The following RP1 variants were observed in gnomAD, a reference collection of about 807,000 sequenced individuals.
The protein encoded by RP1 is oxygen-regulated protein 1.
A neutral mutation model predicts 14.8 loss-of-function variants in RP1; 16 were observed. The ratio of observed to expected loss-of-function variants is 1.08; its 90% CI spans 0.73 to 1.65. The LOEUF is 1.65. RP1 is among the 40% of genes most tolerant of loss of function. The probability of loss-of-function intolerance (pLI) is 0.00; values close to 1 mark genes in which losing one functional copy is unlikely to be tolerated. For missense variants in RP1, 2,631 were observed against 2,535.0 expected, an observed-to-expected ratio of 1.04 and a Z score of -0.81; for synonymous variants, 876 against 883.6, an observed-to-expected ratio of 0.99 and a Z score of 0.15.
At chr8:54,581,121 C>T (rs1022927482) in intron 1 of RP1, among the ~76,000 whole-genome samples, 9 of 152,022 alleles carry the variant, frequency 5.9e-5, no homozygotes, top group African/African-American at 2.2e-4. Flanking sequence ...CTTCATTTAG[C>T]ATTAGGTATA....
chr8:54,692,745 A>C (rs1807745713), intron 12 of RP1, among the ~76,000 whole-genome samples: 1 of 149,274 alleles, frequency 6.7e-6, no homozygotes, highest in Non-Finnish European at 1.5e-5. Flanking sequence ...AGGTTGCGAA[A>C]ATTTTCTCCC....
rs988919995 is a variant in RP1 at position 54,769,739 on chromosome 8, A to C, written c.3249-2A>C. The C allele has an allele frequency of 2.6e-6, 4 of 1,519,768 alleles. No homozygotes were observed. The Admixed American group carries it at 8.0e-5, about 30-fold the overall frequency. The allele number at this position is 1,519,768 out of a possible 1,614,324, so 94.1% of individuals were successfully genotyped here. A position where few individuals can be genotyped will look rare whatever the true frequency, so the allele number is the denominator to read the frequency against. On this transcript the variant is annotated splice_acceptor_variant, in intron 22 of 22. Coordinates refer to the RP1 transcript ENST00000636932. LOFTEE classifies it high-confidence loss of function. ...TCTTTCTCTCTCTCTCTTTTTCCTCAGATGGCTTCCTTTCATGTCTCAGGG... is the reference window on the plus strand; with the variant it reads ...TCTTTCTCTCTCTCTCTTTTTCCTCCGATGGCTTCCTTTCATGTCTCAGGG...
intron 1 of RP1, among the ~76,000 whole-genome samples, chr8:54,585,363 G>T (rs7815476): frequency 0.58 from 88,244 of 152,038 alleles, 26,346 homozygotes; most frequent in Non-Finnish European, 0.65. Context: ...TGCTGAGAGA[G>T]CAGCTGTTAG....
At chr8:54,708,359 T>G (rs1332049320) in intron 15 of RP1, among the ~76,000 whole-genome samples, 1 of 151,402 alleles carries the variant, frequency 6.6e-6, no homozygotes, top group East Asian at 1.9e-4. Context: ...TCTGGTTTTT[T>G]TTTTTTTTCT....
chr8:54,807,777 A>G (rs942593897), intron 24 of RP1, among the ~76,000 whole-genome samples: 2 of 152,158 alleles, frequency 1.3e-5, no homozygotes, highest in South Asian at 2.1e-4. Context: ...CAAATACTGC[A>G]GTGTGGGCTG....
downstream of RP1, among the ~76,000 whole-genome samples, chr8:54,634,956 C>T (rs1806319256): frequency 1.3e-5 from 2 of 151,944 alleles, no homozygotes; most frequent in South Asian, 4.2e-4. Context: ...GTGGTGGGCA[C>T]CTGTAGTCCC....
At chr8:54,759,909 C>T (rs1193714139) in intron 22 of RP1, among the ~76,000 whole-genome samples, 1 of 152,134 alleles carries the variant, frequency 6.6e-6, no homozygotes, top group East Asian at 1.9e-4. Context: ...ATATCGAGGG[C>T]TGCCCTGTAT....
chr8:54,664,708 C>T (rs1163554616), intron 7 of RP1, among the ~76,000 whole-genome samples: 2 of 152,076 alleles, frequency 1.3e-5, no homozygotes, highest in Admixed American at 6.6e-5. Flanking sequence ...TTGTTCAAGT[C>T]CTTTGCCCAT....
At chr8:54,669,258 C>T (rs1807087948) in intron 7 of RP1, among the ~76,000 whole-genome samples, 1 of 152,026 alleles carries the variant, frequency 6.6e-6, no homozygotes, top group East Asian at 1.9e-4. Flanking sequence ...TTTATGTGGC[C>T]AACAGACACA....
At chr8:54,853,626 A>G (rs900589992) in intron 26 of RP1, among the ~76,000 whole-genome samples, 2 of 152,162 alleles carry the variant, frequency 1.3e-5, no homozygotes, top group African/African-American at 4.8e-5. Context: ...TAAATAAAAA[A>G]TTATAAAATA....
At chr8:54,821,148 G>A (rs1811247143) in intron 24 of RP1, among the ~76,000 whole-genome samples, 1 of 152,126 alleles carries the variant, frequency 6.6e-6, no homozygotes, top group Non-Finnish European at 1.5e-5. Context: ...GGTAGGTGTA[G>A]AAAACAGAGA....
intron 6 of RP1, among the ~76,000 whole-genome samples, chr8:54,659,424 C>T (rs1189301752): frequency 6.6e-6 from 1 of 152,064 alleles, no homozygotes; most frequent in Non-Finnish European, 1.5e-5. Context: ...AAAGATTCAA[C>T]TTTATTTATT....
chr8:54,796,438 C>A (rs1211983325), intron 24 of RP1, among the ~76,000 whole-genome samples: 1 of 152,060 alleles, frequency 6.6e-6, no homozygotes, highest in East Asian at 1.9e-4. Context: ...ATCCTTGATA[C>A]CTGTGAATAT....
At chr8:54,867,840 T>C (rs1040667932) in intron 28 of RP1, among the ~76,000 whole-genome samples, 7 of 152,182 alleles carry the variant, frequency 4.6e-5, no homozygotes, top group African/African-American at 1.7e-4. Context: ...TAAATTTAAA[T>C]TAATAAAATC....
At position 54,625,079 on chromosome 8, in the gene RP1, T is replaced by G; in HGVS notation, c.1197T>G (p.Asn399Lys). 1.2e-6 allele frequency: 2 copies of G among 1,614,124 alleles called. No individual in the cohort carries two copies. Among genetic ancestry groups the G allele is most frequent in the Non-Finnish European group, 1.7e-6 (2 of 1,180,038 alleles). ...ADVSPMERSS[N>K]QEGSLAEEIN... ...TGTCACCTATGGAGCGAAGCAGTAATCAAGAGGGCAGTTTGGCAGAGGAGA... is the reference window on the plus strand; with the variant it reads ...TGTCACCTATGGAGCGAAGCAGTAAGCAAGAGGGCAGTTTGGCAGAGGAGA... The change falls in exon 4 of 4, where the codon AAT becomes AAG. Residue 399 changes from asparagine to lysine, a missense_variant. Physicochemically the swap from Asn to Lys is moderately conservative, Grantham distance 94. Transcript: ENST00000220676.
chr8:54,754,881 G>A (rs1161836706), exon 20 of RP1: 1 of 1,527,692 alleles, frequency 6.5e-7, no homozygotes, highest in Non-Finnish European at 8.8e-7. Flanking sequence ...TCAGGCAGAT[G>A]GGGATGTTGT....
intron 1 of RP1, among the ~76,000 whole-genome samples, chr8:54,593,773 A>T (rs1029737103): frequency 3.9e-5 from 6 of 152,222 alleles, no homozygotes; most frequent in African/African-American, 1.4e-4. Context: ...AGTGGAACTC[A>T]TATCAGGCAC....
chr8:54,795,772 C>T (rs1810563905), intron 24 of RP1, among the ~76,000 whole-genome samples: 3 of 152,100 alleles, frequency 2.0e-5, no homozygotes. Context: ...GACCCATTAG[C>T]CATCCTTATT....
chr8:54,608,483 G>A (rs1344972208), intron 1 of RP1, among the ~76,000 whole-genome samples: 1 of 152,090 alleles, frequency 6.6e-6, no homozygotes, highest in Non-Finnish European at 1.5e-5. Flanking sequence ...CGAAAGAATA[G>A]CATGAGATGG....
Sources: allele counts gnomAD v4.1 joint callset (sites outside exome capture counted in the v4.1 genomes callset), GRCh38; gene constraint gnomAD v4.1.1; transcripts MANE v1.5; gene names NCBI Gene and HGNC (gene_info 2026-07-23, HGNC 2026-07-21).